Variants in EPB41 observed in about 807,000 individuals in gnomAD.
EPB41 encodes the protein erythrocyte membrane protein band 4.1, also known as protein 4.1.
Under a neutral mutation model 108.0 loss-of-function variants are expected in EPB41, and 65 were observed. That is an observed-to-expected ratio of 0.60 (90% CI 0.49 to 0.74). EPB41 has a LOEUF of 0.74. EPB41 is among the 30% of genes least tolerant of loss of function. EPB41 has a pLI of 0.00. For synonymous variants in EPB41, 336 were observed against 358.9 expected (o/e 0.94, Z 0.72); for missense variants, 875 against 1,037.0 (o/e 0.84, Z 2.15).
At chr1:29,057,082 A>C (rs1384338589) in intron 12 of EPB41, among the ~76,000 whole-genome samples, 1 of 152,036 alleles carries the variant, frequency 6.6e-6, no homozygotes, top group African/African-American at 2.4e-5. Context: ...CAAAGTAGAA[A>C]TGACCCAAAA....
chr1:29,021,440 C>A (rs1163975256), intron 7 of EPB41, among the ~76,000 whole-genome samples: 3 of 152,084 alleles, frequency 2.0e-5, no homozygotes, highest in South Asian at 4.1e-4. Flanking sequence ...TTTATTAAGT[C>A]TTGAATACAT....
chr1:29,033,311 C>T, intron 9 of EPB41, 66 bp downstream of exon 9: 1 of 1,573,130 alleles, frequency 6.4e-7, no homozygotes, highest in Non-Finnish European at 8.7e-7. Context: ...TCTACATTTC[C>T]ATTTTCCTTA....
At chr1:28,981,224 G>A (rs1370054197) in intron 1 of EPB41, among the ~76,000 whole-genome samples, 1 of 152,132 alleles carries the variant, frequency 6.6e-6, no homozygotes, top group African/African-American at 2.4e-5. Context: ...CCAAATTTAT[G>A]GTCTGCATAT....
At chr1:28,956,532 G>A (rs540285273) in intron 1 of EPB41, among the ~76,000 whole-genome samples, 5 of 152,316 alleles carry the variant, frequency 3.3e-5, no homozygotes, top group African/African-American at 1.2e-4. Context: ...TGTAGGTTGA[G>A]TTATTTGTCT....
At chr1:28,973,778 G>A (rs2095543984) in intron 1 of EPB41, among the ~76,000 whole-genome samples, 1 of 152,084 alleles carries the variant, frequency 6.6e-6, no homozygotes, top group Non-Finnish European at 1.5e-5. Flanking sequence ...AAGGACCCAC[G>A]TACTAGAAGA....
chr1:29,025,289 A>G (rs915691316), intron 7 of EPB41, among the ~76,000 whole-genome samples: 25 of 152,048 alleles, frequency 1.6e-4, no homozygotes, highest in Non-Finnish European at 3.5e-4. Flanking sequence ...GTCACATAAC[A>G]CTGGAACACA....
rs193046078 is a variant in EPB41 at position 29,030,251 on chromosome 1, A to G, written c.1125-149A>G. ...TACAGGCAGTGATGGGTTCTGTTCC[A>G]TAATAACCTACTTTCAGGACTAGGA... On this transcript the variant is annotated intron_variant, in intron 7 of 20. Coordinates refer to ENST00000343067, the MANE Select transcript of EPB41 (RefSeq NM_001376013.1). 13 of 653,546 alleles carry G rather than the reference A, an allele frequency of 2.0e-5. No individual in the cohort carries two copies. In the Admixed American group the frequency reaches 3.0e-4, roughly 15 times the overall value. The allele number at this position is 653,546 out of a possible 1,614,324, so 40.5% of individuals were successfully genotyped here.
intron 16 of EPB41, among the ~76,000 whole-genome samples, chr1:29,091,843 T>G (rs923644539): frequency 6.6e-6 from 1 of 152,124 alleles, no homozygotes; most frequent in Non-Finnish European, 1.5e-5. Flanking sequence ...TAGTGCCAGT[T>G]TGAGACGCTT....
intron 7 of EPB41, 26 bp from the exon 8 acceptor site, chr1:29,030,374 A>G: frequency 2.5e-6 from 4 of 1,586,830 alleles, no homozygotes; most frequent in Middle Eastern, 3.3e-4. Context: ...ACACTGAAAG[A>G]ATTTTATGTT....
At position 28,992,670 on chromosome 1, in the gene EPB41, C is replaced by T. The variant is rs984017694; in HGVS notation, c.469-660C>T. On this transcript the variant is annotated intron_variant, in intron 2 of 20. Coordinates refer to ENST00000343067, the MANE Select transcript of EPB41 (RefSeq NM_001376013.1). ...CGCCACTGCACTCCAGCCTGGGCTACAGAGTGAGACTCCGTCTCAAAAAAA... is the reference window on the plus strand; with the variant it reads ...CGCCACTGCACTCCAGCCTGGGCTATAGAGTGAGACTCCGTCTCAAAAAAA... 3.3e-5 allele frequency among the ~76,000 whole-genome samples: 5 copies of T among 152,220 alleles called. No homozygotes were observed. In the East Asian group the frequency reaches 9.7e-4, roughly 29 times the overall value.
At chr1:28,999,321 G>C (rs1267319473) in intron 4 of EPB41, among the ~76,000 whole-genome samples, 1 of 152,184 alleles carries the variant, frequency 6.6e-6, no homozygotes, top group Non-Finnish European at 1.5e-5. Flanking sequence ...AGTGAGCCGA[G>C]ATTGTGCTAC....
chr1:29,090,738 G>A lies in EPB41; in HGVS notation c.2185-7069G>A, dbSNP rs572077245. On this transcript the variant is annotated intron_variant, in intron 16 of 20. Transcript: ENST00000343067. The stretch of plus-strand genomic sequence containing the variant: ...GCACTCCAACCTGGTCAACAAGAGC[G>A]AAACCCTGTCTCAAAAAGAAAAGAA... Among the ~76,000 whole-genome samples the A allele has an allele frequency of 6.6e-5, 10 of 152,308 alleles. No individual in the cohort carries two copies. In the South Asian group the frequency reaches 1.7e-3, roughly 25 times the overall value.
chr1:28,990,311 C>T (rs184714281), intron 2 of EPB41, among the ~76,000 whole-genome samples: 2 of 127,816 alleles, frequency 1.6e-5, no homozygotes. Flanking sequence ...TTCCTTCCTT[C>T]CTTCCTTCCT....
At chr1:28,966,599 G>A (rs2095362564) in intron 1 of EPB41, among the ~76,000 whole-genome samples, 1 of 152,166 alleles carries the variant, frequency 6.6e-6, no homozygotes, top group African/African-American at 2.4e-5. Context: ...AAGTGCTACA[G>A]AGAAAAATAA....
chr1:29,033,250 A>G lies in EPB41; in HGVS notation c.1365+5A>G. 5 of 1,613,808 alleles carry G rather than the reference A, an allele frequency of 3.1e-6. No homozygotes were observed. Among genetic ancestry groups the G allele is most frequent in the Non-Finnish European group, 4.2e-6 (5 of 1,179,820 alleles). ...ATCAAGATTCGGCCTGGAGAGGTACAGAATTTATATTTCCTTCCTCCCAAA... is the reference window on the plus strand; with the variant it reads ...ATCAAGATTCGGCCTGGAGAGGTACGGAATTTATATTTCCTTCCTCCCAAA... On this transcript the variant is annotated splice_donor_5th_base_variant and intron_variant, in intron 9 of 20. Transcript: ENST00000343067.
At chr1:29,093,707 C>T (rs1291424052) in intron 16 of EPB41, among the ~76,000 whole-genome samples, 1 of 152,110 alleles carries the variant, frequency 6.6e-6, no homozygotes, top group African/African-American at 2.4e-5. Flanking sequence ...GAGATCGAGA[C>T]CAGCCTGACC....
chr1:29,058,109 T>A (rs1259793672), intron 12 of EPB41, among the ~76,000 whole-genome samples: 1 of 152,272 alleles, frequency 6.6e-6, no homozygotes, highest in Non-Finnish European at 1.5e-5. Context: ...GTTTATTACA[T>A]GTGTGTTTTA....
intron 12 of EPB41, chr1:29,053,860 C>T (rs35423185): frequency 0.31 from 47,100 of 153,630 alleles, 9,006 homozygotes; most frequent in Non-Finnish European, 0.41. Flanking sequence ...CGCCCGGCCC[C>T]AACTATTATT....
chr1:28,933,186 A>T (rs1570871640), intron 1 of EPB41, among the ~76,000 whole-genome samples: 1 of 152,200 alleles, frequency 6.6e-6, no homozygotes, highest in Admixed American at 6.5e-5. Flanking sequence ...TGTTCACTAT[A>T]TTTTGATGAT....
Sources: gnomAD v4.1 joint callset for allele counts (sites outside exome capture counted in the v4.1 genomes callset) on GRCh38, gnomAD v4.1.1 for gene constraint, MANE v1.5 for transcripts, NCBI Gene and HGNC (gene_info 2026-07-23, HGNC 2026-07-21) for gene names.